Variants in CRIM1 observed in about 807,000 individuals in gnomAD.
CRIM1 encodes cysteine-rich motor neuron 1 protein.
A neutral mutation model predicts 116.4 loss-of-function variants in CRIM1; 32 were observed. The ratio of observed to expected loss-of-function variants is 0.27; its 90% CI spans 0.21 to 0.37. CRIM1 has a LOEUF of 0.37. CRIM1 is among the 10% of genes least tolerant of loss of function. The pLI is 1.00. For missense variants in CRIM1, 1,331 were observed against 1,354.8 expected (o/e 0.98, Z 0.28); for synonymous variants, 590 against 509.2 (o/e 1.16, Z -2.13).
intron 2 of CRIM1, among the ~76,000 whole-genome samples, chr2:36,413,419 G>A (rs918129163): frequency 6.6e-6 from 1 of 152,074 alleles, no homozygotes; most frequent in African/African-American, 2.4e-5. Flanking sequence ...GGGCTTTTCT[G>A]TCCTTTAATT....
At chr2:36,379,742 CTTTTTTTTTT>C (rs760969263) in intron 1 of CRIM1, among the ~76,000 whole-genome samples, 6 of 106,368 alleles carry the variant, frequency 5.6e-5, no homozygotes, top group South Asian at 7.0e-4. Context: ...TTCTTTCTCT[CTTTTTTTTTT>C]TTTTTTTTTT....
At chr2:36,414,971 A>G (rs1572680448) in intron 2 of CRIM1, among the ~76,000 whole-genome samples, 1 of 152,210 alleles carries the variant, frequency 6.6e-6, no homozygotes, top group Non-Finnish European at 1.5e-5. Context: ...CATGTGGAAA[A>G]TGGATTGTAG....
At chr2:36,479,364 C>T in intron 6 of CRIM1, 133 bp from the exon 7 acceptor site, 2 of 810,226 alleles carry the variant, frequency 2.5e-6, no homozygotes, top group Non-Finnish European at 3.9e-6. Flanking sequence ...TCATGCAACC[C>T]TGCGCTTCTG....
At chr2:36,410,914 T>G (rs1191570404) in intron 2 of CRIM1, among the ~76,000 whole-genome samples, 1 of 152,198 alleles carries the variant, frequency 6.6e-6, no homozygotes. Flanking sequence ...TTGGGACTTG[T>G]TCCATGGTGG....
chr2:36,513,731 C>A lies in CRIM1; in HGVS notation c.1956C>A (p.Thr652=). ...TCPVPACGNP[T]IHPGQCCPSC... ...CGGTGCCTGCCTGTGGCAACCCCAC[C>A]ATTCACCCTGGACAGTGCTGCCCAT... The change falls in exon 11 of 17, where the codon ACC becomes ACA. Residue 652 remains threonine (T), a synonymous_variant. Coordinates refer to ENST00000280527, the MANE Select transcript of CRIM1 (RefSeq NM_016441.3). The A allele has an allele frequency of 6.2e-7, 1 of 1,614,200 alleles. No homozygotes were observed. Among genetic ancestry groups the A allele is most frequent in the South Asian group, 1.1e-5 (1 of 91,082 alleles).
Position 36,418,697 on chromosome 2 carries a change from T to C in CRIM1, c.505+21910T>C, listed in dbSNP as rs186045942. ...GCTTCAGAAACAAGGTAAAGCTGCC[T>C]TCACTCAATGGGAAATCACATCTAT... On this transcript the variant is annotated intron_variant, in intron 2 of 16. Coordinates refer to ENST00000280527, the MANE Select transcript of CRIM1 (RefSeq NM_016441.3). Among the ~76,000 whole-genome samples the C allele has an allele frequency of 1.4e-4, 22 of 152,310 alleles. No homozygotes were observed. The South Asian group carries it at 4.4e-3, about 30-fold the overall frequency.
At chr2:36,389,422 C>G (rs1671412301) in intron 1 of CRIM1, among the ~76,000 whole-genome samples, 1 of 152,198 alleles carries the variant, frequency 6.6e-6, no homozygotes, top group African/African-American at 2.4e-5. Flanking sequence ...CTATTTGCAT[C>G]TTCCTGTAGC....
intron 2 of CRIM1, among the ~76,000 whole-genome samples, chr2:36,420,671 A>C (rs576623611): frequency 6.6e-6 from 1 of 152,138 alleles, no homozygotes; most frequent in African/African-American, 2.4e-5. Context: ...TGAGGTTTGC[A>C]GGATAATTAA....
intron 1 of CRIM1, among the ~76,000 whole-genome samples, chr2:36,385,096 AAAATC>A (rs1400596266): frequency 1.3e-5 from 2 of 152,096 alleles, no homozygotes; most frequent in Non-Finnish European, 2.9e-5. Flanking sequence ...AAAAAAAAAA[AAAATC>A]AAAGGTTTGG....
rs1426962764 is a variant in CRIM1, at chr2:36,505,568, A to G, written c.1502-4415A>G. ...TTGTAGTGGTGCTGTGTTGAATGAC[A>G]TGTAACAAAACCAGTTTTACCAGAG... On this transcript the variant is annotated intron_variant, in intron 8 of 16. Coordinates refer to ENST00000280527, the MANE Select transcript of CRIM1 (RefSeq NM_016441.3). Among the ~76,000 whole-genome samples, 4 of 56,620 alleles carry G rather than the reference A, an allele frequency of 7.1e-5. 2 individuals are homozygous for G. Among genetic ancestry groups the G allele is most frequent in the Admixed American group, 6.3e-4 (4 of 6,322 alleles). The allele number at this position is 56,620 out of a possible 152,430, so 37.1% of individuals were successfully genotyped here.
At position 36,474,240 on chromosome 2, in the gene CRIM1, A is replaced by G. The variant is rs1036599737; in HGVS notation, c.992-2649A>G. ...CGGTACCAGTTTTTTTAAATCAGAT[A>G]TATGATTGCAAATACTTTCTCCCAA... On this transcript the variant is annotated intron_variant, in intron 5 of 16. Transcript: ENST00000280527. Among the ~76,000 whole-genome samples, 8 of 152,180 alleles carry G rather than the reference A, an allele frequency of 5.3e-5. No homozygotes were observed. In the South Asian group the frequency reaches 1.0e-3, roughly 20 times the overall value.
At chr2:36,378,158 T>C (rs1670460234) in intron 1 of CRIM1, among the ~76,000 whole-genome samples, 1 of 152,208 alleles carries the variant, frequency 6.6e-6, no homozygotes, top group Non-Finnish European at 1.5e-5. Context: ...AGATAGATGC[T>C]CTGTAATTGA....
intron 7 of CRIM1, among the ~76,000 whole-genome samples, chr2:36,491,802 A>C (rs1297545712): frequency 6.6e-6 from 1 of 152,228 alleles, no homozygotes; most frequent in Non-Finnish European, 1.5e-5. Flanking sequence ...TTAAATGTGC[A>C]CACACACAAA....
In CRIM1 at chr2:36,519,777, C is replaced by T. The variant is rs182667156; in HGVS notation, c.2206+2235C>T. Among the ~76,000 whole-genome samples, 6 of 152,280 alleles carry T rather than the reference C, an allele frequency of 3.9e-5. No homozygotes were observed. The East Asian group carries it at 7.7e-4, about 20-fold the overall frequency. On this transcript the variant is annotated intron_variant, in intron 12 of 16. Transcript: ENST00000280527. ...CTGGTGAGGAAATGAGGAAAGATTGCACATCACTGCAAGTGAAGCTACTTC... is the reference window on the plus strand; with the variant it reads ...CTGGTGAGGAAATGAGGAAAGATTGTACATCACTGCAAGTGAAGCTACTTC...
chr2:36,503,453 G>T (rs1006375120), intron 8 of CRIM1, among the ~76,000 whole-genome samples: 1 of 152,152 alleles, frequency 6.6e-6, no homozygotes, highest in East Asian at 1.9e-4. Flanking sequence ...TATGGCCGTT[G>T]CTTACTCTGC....
At chr2:36,449,034 GTTTT>G (rs11350672) in intron 4 of CRIM1, among the ~76,000 whole-genome samples, 1 of 142,156 alleles carries the variant, frequency 7.0e-6, no homozygotes, top group African/African-American at 2.6e-5. Context: ...TTTTTGACTT[GTTTT>G]TTTTTTTTTC....
chr2:36,457,290 T>A (rs545432331), intron 4 of CRIM1, among the ~76,000 whole-genome samples: 13 of 152,278 alleles, frequency 8.5e-5, no homozygotes, highest in African/African-American at 3.1e-4. Context: ...TGTCTTTAAC[T>A]TATACCTTCC....
chr2:36,544,828 A>G (rs1330341383), intron 15 of CRIM1, among the ~76,000 whole-genome samples: 1 of 152,222 alleles, frequency 6.6e-6, no homozygotes, highest in Non-Finnish European at 1.5e-5. Flanking sequence ...GTATGTATAT[A>G]TAAACTTTGT....
chr2:36,455,110 C>A (rs1677036478), intron 4 of CRIM1, among the ~76,000 whole-genome samples: 1 of 152,076 alleles, frequency 6.6e-6, no homozygotes, highest in South Asian at 2.1e-4. Context: ...CCAGGGAGAA[C>A]TGGAAGGATG....
Sources: gnomAD v4.1 joint callset for allele counts (sites outside exome capture counted in the v4.1 genomes callset) on GRCh38, gnomAD v4.1.1 for gene constraint, MANE v1.5 for transcripts, NCBI Gene and HGNC (gene_info 2026-07-23, HGNC 2026-07-21) for gene names.